The following MCRIP2 variants were observed in gnomAD, a reference collection of about 807,000 sequenced individuals.
MCRIP2 encodes MAPK regulated corepressor interacting protein 2.
A neutral mutation model predicts 23.2 loss-of-function variants in MCRIP2; 21 were observed. That is an observed-to-expected ratio of 0.90 (90% confidence interval 0.64 to 1.30). The LOEUF (loss-of-function observed/expected upper bound fraction) is 1.30. MCRIP2 is among the 50% of genes most tolerant of loss of function. The pLI is 0.00. For synonymous variants in MCRIP2, 121 were observed against 100.2 expected (o/e 1.21, Z -1.24); for missense variants, 234 against 223.2 (o/e 1.05, Z -0.31).
At chr16:644,639 T>G (rs2037432095) in intron 2 of MCRIP2, among the ~76,000 whole-genome samples, 1 of 152,056 alleles carries the variant, frequency 6.6e-6, no homozygotes, top group Non-Finnish European at 1.5e-5. Context: ...CAGGTCTCAC[T>G]ATGTGGCCCA....
In MCRIP2 at chr16:648,208, C is replaced by T. The variant is rs372432450; in HGVS notation, c.*18C>T. Reference sequence around the variant, plus strand: ...GTTCCTAGTGGCTGCTGGGAGGGGGCGCTGCTACACGGCCGACCTGTCGCC... The same window carrying T: ...GTTCCTAGTGGCTGCTGGGAGGGGGTGCTGCTACACGGCCGACCTGTCGCC... On this transcript the variant is annotated 3_prime_UTR_variant, in exon 5 of 5. Coordinates refer to ENST00000307650, the MANE Select transcript of MCRIP2 (RefSeq NM_138418.4). 61 of 1,599,158 alleles carry T rather than the reference C, an allele frequency of 3.8e-5. No homozygotes were observed. Among genetic ancestry groups the T allele is most frequent in the East Asian group, 6.7e-5 (3 of 44,534 alleles).
intron 3 of MCRIP2, 76 bp downstream of exon 3, chr16:647,620 A>G: frequency 6.3e-7 from 1 of 1,583,722 alleles, no homozygotes; most frequent in Admixed American, 1.8e-5. Flanking sequence ...CCCCACTTCA[A>G]GCTGACCCAC....
chr16:648,229 T>C lies in MCRIP2; in HGVS notation c.*39T>C. On this transcript the variant is annotated 3_prime_UTR_variant, in exon 5 of 5. Coordinates refer to ENST00000307650, the MANE Select transcript of MCRIP2 (RefSeq NM_138418.4). Reference sequence around the variant, plus strand: ...GGGGCGCTGCTACACGGCCGACCTGTCGCCAGGAGAGAAGCATGGCGCCCT... The same window carrying C: ...GGGGCGCTGCTACACGGCCGACCTGCCGCCAGGAGAGAAGCATGGCGCCCT... 2 of 1,575,976 alleles carry C rather than the reference T, an allele frequency of 1.3e-6. No individual in the cohort carries two copies. Among genetic ancestry groups the C allele is most frequent in the Non-Finnish European group, 8.6e-7 (1 of 1,158,044 alleles).
chr16:647,573 T>C (rs1210570057), intron 3 of MCRIP2, 29 bp downstream of exon 3: 2 of 1,609,212 alleles, frequency 1.2e-6, no homozygotes, highest in Non-Finnish European at 8.5e-7. Context: ...GGGTGCGGCA[T>C]AGGCTGCTGG....
chr16:645,663 C>T (rs543095178), intron 2 of MCRIP2: 9 of 152,246 alleles, frequency 5.9e-5, no homozygotes, highest in Non-Finnish European at 1.3e-4. Flanking sequence ...GCCATGTGAT[C>T]ACCCGACCCC....
At chr16:642,090 C>G in intron 1 of MCRIP2, 30 bp from the exon 2 acceptor site, 1 of 1,319,420 alleles carries the variant, frequency 7.6e-7, no homozygotes, top group Non-Finnish European at 9.6e-7. Context: ...CGGGGCGCGG[C>G]GGCGGCTGAC....
intron 2 of MCRIP2, among the ~76,000 whole-genome samples, chr16:644,056 G>A (rs770847480): frequency 6.6e-6 from 1 of 151,718 alleles, no homozygotes; most frequent in Non-Finnish European, 1.5e-5. Context: ...TCCTGCTCCT[G>A]CACCTTCTTG....
chr16:648,061 G>A (rs2037548668), intron 4 of MCRIP2, 59 bp from the exon 5 acceptor site: 1 of 1,514,904 alleles, frequency 6.6e-7, no homozygotes. Context: ...TTAGCTCCAG[G>A]GGAGACTTGC....
At chr16:647,338 G>T (rs553353772) in intron 2 of MCRIP2, 79 bp from the exon 3 acceptor site, 2 of 1,580,994 alleles carry the variant, frequency 1.3e-6, no homozygotes, top group Non-Finnish European at 1.7e-6. Context: ...GGGCTGGCCC[G>T]GGGCTGCTCC....
At chr16:642,084 G>A in intron 1 of MCRIP2, 36 bp from the exon 2 acceptor site, 1 of 1,320,660 alleles carries the variant, frequency 7.6e-7, no homozygotes, top group Middle Eastern at 2.8e-4. Flanking sequence ...ACGGGGCGGG[G>A]CGCGGCGGCG....
At position 648,222 on chromosome 16, in the gene MCRIP2, C is replaced by T. The variant is rs373555362; in HGVS notation, c.*32C>T. The T allele has an allele frequency of 5.9e-5, 93 of 1,585,896 alleles. No homozygotes were observed. Among genetic ancestry groups the T allele is most frequent in the Admixed American group, 2.3e-4 (13 of 57,234 alleles). On this transcript the variant is annotated 3_prime_UTR_variant, in exon 5 of 5. Transcript: ENST00000307650. ...CTGGGAGGGGGCGCTGCTACACGGC[C>T]GACCTGTCGCCAGGAGAGAAGCATG...
intron 2 of MCRIP2, chr16:642,751 C>T (rs1021306828): frequency 1.3e-5 from 2 of 152,306 alleles, no homozygotes; most frequent in Admixed American, 1.3e-4. Context: ...CATCCGGTTG[C>T]TTCTGCTTTT....
rs1745078609 is a variant in MCRIP2 at position 642,013 on chromosome 16, C to T, written c.22C>T (p.Pro8Ser). Residue 8 changes from proline (P) to serine (S), a missense_variant, in exon 1 of 5, where the codon CCC becomes TCC. By Grantham distance (74) the Pro-to-Ser change is moderately conservative (BLOSUM62 -1). Coordinates refer to ENST00000307650, the MANE Select transcript of MCRIP2 (RefSeq NM_138418.4). ...CGTCATGTACACCATCACCAAGGGG[C>T]CCAGCAAGCTGGTCGCGCAGCGCCG... MYTITKG[P>S]SKLVAQRRTG... is the part of the protein sequence containing the mutation. 7.5e-7 allele frequency: 1 copy of T among 1,328,234 alleles called. No homozygotes were observed. The highest frequency in any genetic ancestry group is 9.6e-7 in the Non-Finnish European group (1 of 1,041,090). 82.3% of individuals were successfully genotyped at this position (1,328,234 alleles called of 1,614,324 possible).
At position 642,110 on chromosome 16, in the gene MCRIP2, G is replaced by C. The variant is rs1385050970; in HGVS notation, c.53-10G>C. The stretch of plus-strand genomic sequence containing the variant: ...CGCGGCGGCGGCTGACCGCCCCCCG[G>C]TGCCCGCAGGTCCCACGCAGCAGCA... On this transcript the variant is annotated splice_polypyrimidine_tract_variant and intron_variant, in intron 1 of 4. Transcript: ENST00000307650. 1.5e-6 allele frequency: 2 copies of C among 1,340,514 alleles called. No homozygotes were observed. The highest frequency in any genetic ancestry group is 9.5e-7 in the Non-Finnish European group (1 of 1,047,578). 83.0% of individuals were successfully genotyped at this position (1,340,514 alleles called of 1,614,324 possible).
rs1426781025 is a variant in MCRIP2, at chr16:646,833, C to G, written c.183-584C>G. On this transcript the variant is annotated intron_variant, in intron 2 of 4. Coordinates refer to ENST00000307650, the MANE Select transcript of MCRIP2 (RefSeq NM_138418.4). The surrounding 1 kb of genome is among the most constrained non-coding windows in gnomAD (Gnocchi z 6.5). ...TATAGTCACTCTCCCGACTCAGGGA[C>G]TGCCCATCCCGGCACCCAGTCCTCA... 1.3e-5 allele frequency: 2 copies of G among 154,270 alleles called. No individual in the cohort carries two copies. Among genetic ancestry groups the G allele is most frequent in the African/African-American group, 2.4e-5 (1 of 41,480 alleles). The allele number at this position is 154,270 out of a possible 1,614,324, so 9.6% of individuals were successfully genotyped here. A position where few individuals can be genotyped will look rare whatever the true frequency, so the allele number is the denominator to read the frequency against.
intron 3 of MCRIP2, 118 bp downstream of exon 3, chr16:647,662 C>G (rs570255795): frequency 6.5e-7 from 1 of 1,531,880 alleles, no homozygotes; most frequent in East Asian, 2.4e-5. Flanking sequence ...TTCCTTGGCA[C>G]TCTGCCCTTG....
At chr16:647,717 A>G in intron 3 of MCRIP2, 66 bp from the exon 4 acceptor site, 1 of 1,508,308 alleles carries the variant, frequency 6.6e-7, no homozygotes, top group Non-Finnish European at 9.0e-7. Flanking sequence ...CAGGGTGACC[A>G]TCAGGCCCTG....
In MCRIP2 at chr16:648,255, GC is replaced by G. The variant is rs554636824; in HGVS notation, c.*68del. 3.5e-3 allele frequency: 5,260 copies of G among 1,492,954 alleles called. 15 individuals carry two copies. The highest frequency in any genetic ancestry group is 4.2e-3 in the Non-Finnish European group (4,633 of 1,093,682). 92.5% of individuals were successfully genotyped at this position (1,492,954 alleles called of 1,614,324 possible). ...CGCCAGGAGAGAAGCATGGCGCCCT[GC>G]CCACCCACTGCGCCTGGCTGGGTGC... On this transcript the variant is annotated 3_prime_UTR_variant, in exon 5 of 5. Transcript: ENST00000307650.
chr16:643,984 C>T (rs1013813982), intron 2 of MCRIP2, among the ~76,000 whole-genome samples: 8 of 152,182 alleles, frequency 5.3e-5, no homozygotes, highest in African/African-American at 7.2e-5. Flanking sequence ...CCCACCTTCC[C>T]ACCCCCAGGC....
Sources: gnomAD v4.1 joint callset for allele counts (sites outside exome capture counted in the v4.1 genomes callset) on GRCh38, gnomAD v4.1.1 for gene constraint, Gnocchi (gnomAD v3.1) non-coding constraint, MANE v1.5 for transcripts, NCBI Gene and HGNC (gene_info 2026-07-23, HGNC 2026-07-21) for gene names.